The following NEK11 variants were observed in gnomAD, a reference collection of about 807,000 sequenced individuals.
The protein encoded by NEK11 is NIMA related kinase 11, also known as serine/threonine-protein kinase Nek11.
NEK11 carries 72 observed loss-of-function variants against 80.7 expected under a neutral mutation model. The observed-to-expected ratio is 0.89, with a 90% CI of 0.74 to 1.08. The LOEUF is 1.08. NEK11 is among the 50% of genes least tolerant of loss of function. NEK11 has a pLI of 0.00. For synonymous variants in NEK11, 251 were observed against 260.7 expected, an observed-to-expected ratio of 0.96 and a Z score of 0.36; for missense variants, 764 against 763.6, an observed-to-expected ratio of 1.00 and a Z score of -0.01.
intron 3 of NEK11, among the ~76,000 whole-genome samples, chr3:131,062,489 T>A (rs1000734125): frequency 1.3e-5 from 2 of 152,214 alleles, no homozygotes; most frequent in African/African-American, 4.8e-5. Context: ...TCTAATAGTT[T>A]TGACAAATTT....
Position 131,085,117 on chromosome 3 carries a change from C to A in NEK11, c.336+4529C>A, listed in dbSNP as rs193102764. On this transcript the variant is annotated intron_variant, in intron 4 of 17. Coordinates refer to ENST00000383366, the MANE Select transcript of NEK11 (RefSeq NM_024800.5). The stretch of plus-strand genomic sequence containing the variant: ...ATTCACGAAAATTGCACAACTTGTT[C>A]TCCTTGCTTCCCAGGCAACCTTCTG... 2.6e-5 allele frequency among the ~76,000 whole-genome samples: 4 copies of A among 152,320 alleles called. No individual in the cohort carries two copies. The East Asian group carries it at 7.7e-4, about 29-fold the overall frequency.
chr3:131,190,431 C>A (rs944380490), intron 14 of NEK11, among the ~76,000 whole-genome samples: 3 of 152,172 alleles, frequency 2.0e-5, no homozygotes, highest in Admixed American at 2.0e-4. Context: ...TGAGTGATTT[C>A]TCACTTGATG....
At chr3:131,105,162 T>C (rs1333821869) in intron 4 of NEK11, among the ~76,000 whole-genome samples, 1 of 152,254 alleles carries the variant, frequency 6.6e-6, no homozygotes, top group African/African-American at 2.4e-5. Context: ...TCTTTAACTT[T>C]CTTAATTATC....
intron 3 of NEK11, among the ~76,000 whole-genome samples, chr3:131,030,436 C>T (rs2064659946): frequency 6.6e-6 from 1 of 152,148 alleles, no homozygotes; most frequent in Non-Finnish European, 1.5e-5. Context: ...TTTGGGCATG[C>T]CACAGTCTCA....
chr3:131,332,692 C>A (rs2097111938), intron 17 of NEK11, among the ~76,000 whole-genome samples: 1 of 152,058 alleles, frequency 6.6e-6, no homozygotes, highest in African/African-American at 2.4e-5. Flanking sequence ...AAATTCAAAC[C>A]AAAGGCAAAG....
intron 3 of NEK11, among the ~76,000 whole-genome samples, chr3:131,050,282 G>A (rs1363237585): frequency 6.6e-6 from 1 of 152,182 alleles, no homozygotes; most frequent in Non-Finnish European, 1.5e-5. Context: ...AGAGTTTTAA[G>A]CCCTTGCGGT....
At chr3:131,089,611 G>C (rs984816388) in intron 4 of NEK11, among the ~76,000 whole-genome samples, 1 of 152,020 alleles carries the variant, frequency 6.6e-6, no homozygotes, top group Non-Finnish European at 1.5e-5. Flanking sequence ...GCTAATTTTT[G>C]TGTTTTTAGT....
At chr3:131,205,801 C>G (rs1280063687) in intron 14 of NEK11, among the ~76,000 whole-genome samples, 1 of 152,142 alleles carries the variant, frequency 6.6e-6, no homozygotes, top group African/African-American at 2.4e-5. Context: ...ATTCTCATCT[C>G]AAGAGTCTTT....
rs563717493 is a variant in NEK11, at chr3:131,272,538, C to T, written c.1622-940C>T. Among the ~76,000 whole-genome samples, 15 of 124,376 alleles carry T rather than the reference C, an allele frequency of 1.2e-4. No homozygotes were observed. In the South Asian group the frequency reaches 2.8e-3, roughly 23 times the overall value. 81.6% of individuals were successfully genotyped at this position (124,376 alleles called of 152,430 possible). On this transcript the variant is annotated intron_variant, in intron 16 of 17. Transcript: ENST00000383366. ...TCACCCAGGCTGGAGTGCCGTGGTG[C>T]GATCTGAGCTCATTGCAACCTCCGC...
chr3:131,329,981 G>A (rs1181762592), intron 17 of NEK11: 1 of 152,294 alleles, frequency 6.6e-6, no homozygotes, highest in African/African-American at 2.4e-5. Context: ...CTGCTGAGCT[G>A]ACAATAGACT....
chr3:131,280,903 T>C (rs1187250862), intron 17 of NEK11, among the ~76,000 whole-genome samples: 1 of 152,196 alleles, frequency 6.6e-6, no homozygotes, highest in Non-Finnish European at 1.5e-5. Context: ...CCCTTCTGGG[T>C]TCTCTATGCA....
intron 3 of NEK11, among the ~76,000 whole-genome samples, chr3:131,055,338 C>T (rs2069254459): frequency 6.6e-6 from 1 of 152,068 alleles, no homozygotes; most frequent in Non-Finnish European, 1.5e-5. Flanking sequence ...GTGAACAAAA[C>T]AAAGTCTCTG....
chr3:131,033,020 A>C (rs1021442053), intron 3 of NEK11, among the ~76,000 whole-genome samples: 5 of 152,164 alleles, frequency 3.3e-5, no homozygotes, highest in African/African-American at 1.2e-4. Context: ...TAATTTAAAA[A>C]ACTTATTCAA....
intron 14 of NEK11, among the ~76,000 whole-genome samples, chr3:131,181,636 C>A (rs2093352447): frequency 6.7e-6 from 1 of 148,266 alleles, no homozygotes; most frequent in Admixed American, 6.9e-5. Flanking sequence ...GTCCCAGCTA[C>A]TTGGGAGGCT....
At chr3:131,214,281 G>A (rs2094737642) in intron 14 of NEK11, among the ~76,000 whole-genome samples, 1 of 152,128 alleles carries the variant, frequency 6.6e-6, no homozygotes, top group Non-Finnish European at 1.5e-5. Flanking sequence ...TGGTTTTAAG[G>A]TTGGTGAGTT....
chr3:131,301,293 T>G (rs1474376810), intron 17 of NEK11, among the ~76,000 whole-genome samples: 1 of 152,174 alleles, frequency 6.6e-6, no homozygotes, highest in Admixed American at 6.6e-5. Context: ...GATTGTGGGG[T>G]TTTCTAGATA....
intron 17 of NEK11, chr3:131,325,523 G>GAGTT (rs1384403212): frequency 2.0e-5 from 3 of 152,130 alleles, no homozygotes; most frequent in African/African-American, 4.8e-5. Context: ...CTTAAACTGG[G>GAGTT]AGTTAGATAT....
At chr3:131,299,550 T>G (rs973369647) in intron 17 of NEK11, among the ~76,000 whole-genome samples, 3 of 151,468 alleles carry the variant, frequency 2.0e-5, no homozygotes, top group Non-Finnish European at 4.4e-5. Context: ...TCAGCAGGCC[T>G]CAGTGTCTGT....
chr3:131,087,086 T>A (rs1407213832), intron 4 of NEK11, among the ~76,000 whole-genome samples: 2 of 152,194 alleles, frequency 1.3e-5, no homozygotes, highest in East Asian at 3.8e-4. Flanking sequence ...TAATGAAAGT[T>A]ATTATAATTG....
Sources: allele counts gnomAD v4.1 joint callset (sites outside exome capture counted in the v4.1 genomes callset), GRCh38; gene constraint gnomAD v4.1.1; transcripts MANE v1.5; gene names NCBI Gene and HGNC (gene_info 2026-07-23, HGNC 2026-07-21).